CCDC91: variants seen among roughly 807,000 people sequenced by gnomAD.
CCDC91 encodes the protein coiled-coil domain-containing protein 91.
Under a neutral mutation model 63.2 loss-of-function variants are expected in CCDC91, and 48 were observed. That is an observed-to-expected ratio of 0.76 (90% CI 0.60 to 0.97). The LOEUF (loss-of-function observed/expected upper bound fraction) is 0.97. Among genes scored for constraint, CCDC91 ranks in the 50% least tolerant of loss-of-function variants. The pLI is 0.00. For missense variants in CCDC91, 500 were observed against 494.6 expected (o/e 1.01, Z -0.10); for synonymous variants, 167 against 165.8 (o/e 1.01, Z -0.06).
chr12:28,390,150 A>AGTT lies in CCDC91; in HGVS notation c.655-1153_655-1151dup, dbSNP rs145514766. On this transcript the variant is annotated intron_variant, in intron 7 of 12. Transcript: ENST00000536442. ...AATCTTACTTTTGCACAAGAAAGTT[A>AGTT]GTTTGAAAATTTGAGACTTATTTAG... Among the ~76,000 whole-genome samples the AGTT allele has an allele frequency of 9.2e-3, 1,404 of 152,258 alleles. 27 individuals carry two copies. The highest frequency in any genetic ancestry group is 0.032 in the African/African-American group (1,334 of 41,568).
chr12:28,472,202 G>A (rs1950855039), intron 11 of CCDC91, among the ~76,000 whole-genome samples: 1 of 152,164 alleles, frequency 6.6e-6, no homozygotes, highest in African/African-American at 2.4e-5. Context: ...CCTATCTGAA[G>A]CCATTCTAAT....
intron 1 of CCDC91, among the ~76,000 whole-genome samples, chr12:28,205,329 T>G (rs1184472199): frequency 5.3e-5 from 8 of 151,872 alleles, no homozygotes. Flanking sequence ...ATACTGGTAC[T>G]CAATTACATA....
intron 1 of CCDC91, among the ~76,000 whole-genome samples, chr12:28,202,672 C>G (rs1345272289): frequency 6.6e-6 from 1 of 152,204 alleles, no homozygotes; most frequent in African/African-American, 2.4e-5. Flanking sequence ...GCTTTTAGTT[C>G]CCACTTGTAC....
At chr12:28,441,261 T>C (rs928250452) in intron 8 of CCDC91, among the ~76,000 whole-genome samples, 28 of 152,016 alleles carry the variant, frequency 1.8e-4, no homozygotes, top group Non-Finnish European at 3.8e-4. Context: ...ATGGTGAGTG[T>C]GTAAATTAAT....
At chr12:28,337,427 A>G (rs1207327855) in intron 6 of CCDC91, among the ~76,000 whole-genome samples, 3 of 152,138 alleles carry the variant, frequency 2.0e-5, no homozygotes, top group African/African-American at 7.2e-5. Flanking sequence ...ATGCTTTTCA[A>G]AATCATCTTG....
chr12:28,438,032 G>A (rs1350650018), intron 8 of CCDC91, among the ~76,000 whole-genome samples: 5 of 152,100 alleles, frequency 3.3e-5, no homozygotes, highest in Non-Finnish European at 7.4e-5. Flanking sequence ...TTAGGAATAG[G>A]AATTGTAGAG....
At chr12:28,400,384 AT>A (rs992797013) in intron 8 of CCDC91, among the ~76,000 whole-genome samples, 6 of 117,374 alleles carry the variant, frequency 5.1e-5, no homozygotes. Context: ...CCAGGAAACT[AT>A]TTTTCCCCCC....
At chr12:28,401,852 G>C (rs1946641125) in intron 8 of CCDC91, among the ~76,000 whole-genome samples, 1 of 152,144 alleles carries the variant, frequency 6.6e-6, no homozygotes, top group South Asian at 2.1e-4. Context: ...AGTTTTGTAT[G>C]TTTTCCTAGG....
At chr12:28,270,563 A>G (rs1458195557) in intron 3 of CCDC91, among the ~76,000 whole-genome samples, 1 of 152,134 alleles carries the variant, frequency 6.6e-6, no homozygotes, top group Non-Finnish European at 1.5e-5. Context: ...ATTTACGAAC[A>G]CAATGTTAAT....
intron 3 of CCDC91, among the ~76,000 whole-genome samples, chr12:28,282,279 C>G (rs527845618): frequency 7.8e-4 from 119 of 152,144 alleles, no homozygotes; most frequent in African/African-American, 2.6e-3. Flanking sequence ...GATAATGATG[C>G]TATTTATTAT....
intron 7 of CCDC91, among the ~76,000 whole-genome samples, chr12:28,371,579 T>A (rs964066786): frequency 5.3e-5 from 8 of 152,222 alleles, no homozygotes; most frequent in Admixed American, 5.2e-4. Flanking sequence ...GCATATTATT[T>A]TAAACAATTG....
intron 12 of CCDC91, among the ~76,000 whole-genome samples, chr12:28,523,952 C>T (rs1004094449): frequency 7.9e-5 from 12 of 151,650 alleles, no homozygotes; most frequent in East Asian, 1.9e-4. Context: ...CCACTGTGAA[C>T]GCCACAAAGA....
intron 8 of CCDC91, among the ~76,000 whole-genome samples, chr12:28,444,423 G>A (rs1328358790): frequency 6.6e-6 from 1 of 152,142 alleles, no homozygotes; most frequent in Non-Finnish European, 1.5e-5. Flanking sequence ...AAGAGAGATT[G>A]CATTTGGAGA....
At chr12:28,232,365 G>A (rs969674984) in intron 1 of CCDC91, among the ~76,000 whole-genome samples, 3 of 151,514 alleles carry the variant, frequency 2.0e-5, no homozygotes, top group African/African-American at 7.3e-5. Context: ...TGTCTGAATT[G>A]CACAGGGTTT....
At chr12:28,425,066 C>T (rs180970998) in intron 8 of CCDC91, among the ~76,000 whole-genome samples, 1 of 151,988 alleles carries the variant, frequency 6.6e-6, no homozygotes, top group African/African-American at 2.4e-5. Flanking sequence ...TTCAGCCTGA[C>T]CATAAGTATT....
intron 1 of CCDC91, among the ~76,000 whole-genome samples, chr12:28,234,103 A>C (rs929564125): frequency 8.5e-5 from 13 of 152,294 alleles, no homozygotes; most frequent in African/African-American, 3.1e-4. Flanking sequence ...TTATAATATT[A>C]GCTCCTTTAT....
chr12:28,435,110 T>C (rs567881186), intron 8 of CCDC91, among the ~76,000 whole-genome samples: 6 of 151,874 alleles, frequency 4.0e-5, no homozygotes, highest in South Asian at 4.1e-4. Context: ...TTGATTTTTT[T>C]TCCTCTATTT....
intron 6 of CCDC91, among the ~76,000 whole-genome samples, chr12:28,344,395 T>C (rs1942658797): frequency 6.6e-6 from 1 of 152,240 alleles, no homozygotes; most frequent in South Asian, 2.1e-4. Context: ...TGGTAAAATA[T>C]AGAGTAGAAG....
intron 12 of CCDC91, among the ~76,000 whole-genome samples, chr12:28,521,627 G>A (rs768255793): frequency 1.3e-5 from 2 of 152,148 alleles, no homozygotes; most frequent in South Asian, 2.1e-4. Flanking sequence ...GGAGTGGTGA[G>A]AGGGGACATC....
Sources: allele counts gnomAD v4.1 joint callset (sites outside exome capture counted in the v4.1 genomes callset), GRCh38; gene constraint gnomAD v4.1.1; transcripts MANE v1.5; gene names NCBI Gene and HGNC (gene_info 2026-07-23, HGNC 2026-07-21).